Variants in CSTPP1 observed in about 807,000 individuals in gnomAD.
CSTPP1 encodes the protein UPF0705 protein C11orf49.
At chr11:47,102,704 C>T in the CSTPP1 span, among the ~76,000 whole-genome samples, 1 of 152,150 alleles carries the variant, frequency 6.6e-6, no homozygotes, top group Non-Finnish European at 1.5e-5. Flanking sequence ...TGTCCCTAAG[C>T]ATGGGCAAGC....
chr11:47,159,042 TATAC>T, the CSTPP1 span, among the ~76,000 whole-genome samples: 1 of 152,134 alleles, frequency 6.6e-6, no homozygotes, highest in African/African-American at 2.4e-5. Flanking sequence ...TCTTACACAA[TATAC>T]AGTTAGCCAG....
At chr11:47,145,476 G>A in the CSTPP1 span, among the ~76,000 whole-genome samples, 1 of 152,182 alleles carries the variant, frequency 6.6e-6, no homozygotes, top group East Asian at 2.0e-4. Flanking sequence ...CGGGTGGGGT[G>A]GCACGCACCT....
At chr11:46,999,267 C>T in the CSTPP1 span, among the ~76,000 whole-genome samples, 2 of 151,608 alleles carry the variant, frequency 1.3e-5, no homozygotes, top group South Asian at 2.1e-4. Flanking sequence ...GCAGTTTTTA[C>T]TAAACTAATA....
chr11:47,101,050 G>C, the CSTPP1 span, among the ~76,000 whole-genome samples: 1 of 150,154 alleles, frequency 6.7e-6, no homozygotes, highest in Admixed American at 6.6e-5. Flanking sequence ...CCAGGTAGGA[G>C]TGCAGTGGTA....
the CSTPP1 span, among the ~76,000 whole-genome samples, chr11:47,098,512 T>C: frequency 2.8e-3 from 422 of 150,408 alleles, 1 homozygote; most frequent in African/African-American, 9.6e-3. Context: ...TTTTTCTTTT[T>C]TTTTTTTTTT....
chr11:47,087,759 T>C, the CSTPP1 span, among the ~76,000 whole-genome samples: 1 of 152,148 alleles, frequency 6.6e-6, no homozygotes. Context: ...TATTTCTGTG[T>C]TATAAATCTC....
chr11:47,155,351 C>T, the CSTPP1 span: 3 of 1,154,704 alleles, frequency 2.6e-6, no homozygotes, highest in Non-Finnish European at 3.9e-6. Flanking sequence ...GCCTGGCACA[C>T]ACGTTTCTCT....
chr11:47,108,972 G>C, the CSTPP1 span: 6 of 152,150 alleles, frequency 3.9e-5, no homozygotes, highest in African/African-American at 1.4e-4. Context: ...CTCCCAAAGT[G>C]CTGGGATTAC....
the CSTPP1 span, among the ~76,000 whole-genome samples, chr11:46,986,864 G>A: frequency 6.6e-6 from 1 of 152,246 alleles, no homozygotes; most frequent in African/African-American, 2.4e-5. Flanking sequence ...AGAATAGAAG[G>A]AGGTAGAAAG....
the CSTPP1 span, among the ~76,000 whole-genome samples, chr11:47,074,948 A>C: frequency 6.6e-6 from 1 of 152,098 alleles, no homozygotes; most frequent in Admixed American, 6.6e-5. Context: ...GAATAAGGAG[A>C]ATATAGTTCT....
At chr11:47,074,508 A>G in the CSTPP1 span, among the ~76,000 whole-genome samples, 1 of 45,240 alleles carries the variant, frequency 2.2e-5, no homozygotes, top group South Asian at 6.7e-4. Flanking sequence ...TCAGAAAAAA[A>G]AAAAAAAAAA....
chr11:46,966,041 C>CT, the CSTPP1 span, among the ~76,000 whole-genome samples: 60 of 151,836 alleles, frequency 4.0e-4, no homozygotes, highest in Non-Finnish European at 7.2e-4. Context: ...TCAGAAAAGT[C>CT]TTTTTTTTGT....
chr11:46,998,308 T>C, the CSTPP1 span, among the ~76,000 whole-genome samples: 1 of 152,194 alleles, frequency 6.6e-6, no homozygotes, highest in African/African-American at 2.4e-5. Flanking sequence ...TGCTGAGCTG[T>C]AGTGAACCAA....
At chr11:47,157,728 G>T in the CSTPP1 span, 1 of 1,346,214 alleles carries the variant, frequency 7.4e-7, no homozygotes, top group Admixed American at 1.8e-5. Flanking sequence ...GCTTGGCTGT[G>T]GGTATCCTCA....
chr11:47,069,257 A>C, the CSTPP1 span, among the ~76,000 whole-genome samples: 2 of 152,212 alleles, frequency 1.3e-5, no homozygotes, highest in African/African-American at 2.4e-5. Context: ...GTCACTTGGT[A>C]GGACCTGTAA....
At chr11:47,005,190 G>C in the CSTPP1 span, among the ~76,000 whole-genome samples, 1 of 152,174 alleles carries the variant, frequency 6.6e-6, no homozygotes, top group Non-Finnish European at 1.5e-5. Context: ...TTTTAAGATA[G>C]TGGTTTTTTT....
chr11:46,975,483 A>G, the CSTPP1 span, among the ~76,000 whole-genome samples: 10 of 152,196 alleles, frequency 6.6e-5, no homozygotes, highest in East Asian at 1.9e-3. Flanking sequence ...GAAAAATGCT[A>G]GAAATACAGG....
At chr11:47,062,440 A>G in the CSTPP1 span, among the ~76,000 whole-genome samples, 1 of 152,162 alleles carries the variant, frequency 6.6e-6, no homozygotes, top group East Asian at 1.9e-4. Context: ...TCTATATTGT[A>G]TAGGAACTTC....
chr11:47,131,674 TCATGGAAA>T, the CSTPP1 span, among the ~76,000 whole-genome samples: 1 of 152,128 alleles, frequency 6.6e-6, no homozygotes, highest in African/African-American at 2.4e-5. Context: ...CCTTTGGTTT[TCATGGAAA>T]AATCAGTGAC....
Sources: gnomAD v4.1 joint callset for allele counts (sites outside exome capture counted in the v4.1 genomes callset) on GRCh38, gnomAD v4.1.1 for gene constraint, MANE v1.5 for transcripts, NCBI Gene and HGNC (gene_info 2026-07-23, HGNC 2026-07-21) for gene names.